The following CCDC150 variants were observed in gnomAD, a reference collection of about 807,000 sequenced individuals.
CCDC150 encodes the protein coiled-coil domain containing 150.
Under a neutral mutation model 156.5 loss-of-function variants are expected in CCDC150, and 151 were observed. The ratio of observed to expected loss-of-function variants is 0.97; its 90% CI spans 0.85 to 1.10. The LOEUF (loss-of-function observed/expected upper bound fraction) is 1.10, where lower values mean the gene tolerates loss of function less well. Ranked by LOEUF, CCDC150 falls within the 50% of genes least tolerant of loss-of-function variation. CCDC150 has a pLI of 0.00. For missense variants in CCDC150, 1,312 were observed against 1,268.1 expected, an observed-to-expected ratio of 1.03 and a Z score of -0.53; for synonymous variants, 452 against 429.4, an observed-to-expected ratio of 1.05 and a Z score of -0.65.
intron 22 of CCDC150, among the ~76,000 whole-genome samples, chr2:196,728,729 T>C (rs1433569943): frequency 6.6e-6 from 1 of 152,232 alleles, no homozygotes; most frequent in African/African-American, 2.4e-5. Context: ...GCTTATAGCA[T>C]GATAATCACA....
chr2:196,689,177 G>A (rs1363857194), intron 13 of CCDC150, among the ~76,000 whole-genome samples: 3 of 152,146 alleles, frequency 2.0e-5, no homozygotes, highest in Admixed American at 6.5e-5. Context: ...GTCAGGTAGT[G>A]TGATGCCTCC....
chr2:196,715,351 A>T (rs1697430647), intron 17 of CCDC150, among the ~76,000 whole-genome samples: 1 of 152,206 alleles, frequency 6.6e-6, no homozygotes, highest in African/African-American at 2.4e-5. Context: ...GTAAAAGTTC[A>T]GAAGAGTATA....
At chr2:196,653,599 C>T (rs1194116804) in intron 2 of CCDC150, among the ~76,000 whole-genome samples, 3 of 152,152 alleles carry the variant, frequency 2.0e-5, no homozygotes, top group Admixed American at 2.0e-4. Flanking sequence ...ATCAGTATGT[C>T]CTCTGTCTAT....
At chr2:196,639,895 C>T (rs1220526741) in intron 1 of CCDC150, 117 bp downstream of exon 1, 2 of 917,670 alleles carry the variant, frequency 2.2e-6, no homozygotes, top group Non-Finnish European at 1.5e-6. Flanking sequence ...GGAGTCCAGT[C>T]TCACTCCCTG....
intron 13 of CCDC150, among the ~76,000 whole-genome samples, chr2:196,683,130 T>A (rs1283037689): frequency 6.6e-6 from 1 of 152,104 alleles, no homozygotes; most frequent in Non-Finnish European, 1.5e-5. Flanking sequence ...TTTGTCACCA[T>A]TAAGTATGAT....
intron 13 of CCDC150, among the ~76,000 whole-genome samples, chr2:196,692,225 C>T (rs1695528178): frequency 6.7e-6 from 1 of 149,766 alleles, no homozygotes; most frequent in East Asian, 2.0e-4. Context: ...AGCTCCGCTT[C>T]CCGGGTTCAC....
At chr2:196,704,286 G>A (rs1262483252) in intron 15 of CCDC150, among the ~76,000 whole-genome samples, 1 of 152,090 alleles carries the variant, frequency 6.6e-6, no homozygotes, top group African/African-American at 2.4e-5. Context: ...TTTCAGTGCT[G>A]TACAGTATTC....
intron 4 of CCDC150, among the ~76,000 whole-genome samples, chr2:196,658,318 T>C (rs1204574323): frequency 6.6e-6 from 1 of 152,186 alleles, no homozygotes; most frequent in Non-Finnish European, 1.5e-5. Context: ...AAGGCAAAGA[T>C]GGCTCTGAGG....
chr2:196,667,002 G>A (rs1016469003), intron 7 of CCDC150, 154 bp downstream of exon 7: 1 of 721,104 alleles, frequency 1.4e-6, no homozygotes, highest in African/African-American at 1.8e-5. Flanking sequence ...TCTACCTGCA[G>A]TACTGAGATA....
intron 2 of CCDC150, among the ~76,000 whole-genome samples, chr2:196,653,668 C>T (rs775519887): frequency 2.0e-5 from 3 of 152,204 alleles, no homozygotes; most frequent in Admixed American, 1.3e-4. Context: ...CACTTTCCCT[C>T]GTTTTCCTGT....
intron 15 of CCDC150, among the ~76,000 whole-genome samples, chr2:196,709,483 C>T (rs1444510277): frequency 6.6e-6 from 1 of 152,036 alleles, no homozygotes; most frequent in Admixed American, 6.6e-5. Flanking sequence ...TTGTTATTAC[C>T]GACCTTCTGA....
intron 4 of CCDC150, 103 bp downstream of exon 4, chr2:196,657,239 G>A (rs1693262328): frequency 8.9e-7 from 1 of 1,124,570 alleles, no homozygotes; most frequent in African/African-American, 1.6e-5. Flanking sequence ...ATGTTGATAT[G>A]AGGATTCTTG....
At chr2:196,708,123 A>G (rs954300366) in intron 15 of CCDC150, among the ~76,000 whole-genome samples, 2 of 152,090 alleles carry the variant, frequency 1.3e-5, no homozygotes, top group African/African-American at 4.8e-5. Flanking sequence ...GTCTCCCACT[A>G]TTATTGTGTG....
At chr2:196,696,856 T>A (rs1030586276) in intron 14 of CCDC150, among the ~76,000 whole-genome samples, 1 of 152,220 alleles carries the variant, frequency 6.6e-6, no homozygotes, top group African/African-American at 2.4e-5. Context: ...ACCCATTGAT[T>A]TTTGGAGATA....
intron 10 of CCDC150, 55 bp from the exon 11 acceptor site, chr2:196,676,087 AC>A: frequency 6.4e-7 from 1 of 1,574,128 alleles, no homozygotes; most frequent in South Asian, 1.1e-5. Flanking sequence ...TCCAAATGAC[AC>A]CCTATCAAAA....
intron 17 of CCDC150, among the ~76,000 whole-genome samples, chr2:196,715,768 C>G (rs1349469400): frequency 6.6e-6 from 1 of 152,012 alleles, no homozygotes; most frequent in African/African-American, 2.4e-5. Flanking sequence ...TAGAAGAAAA[C>G]ATAGGAAGAA....
At chr2:196,720,466 A>G (rs1238914873) in intron 19 of CCDC150, 109 bp from the exon 20 acceptor site, 1 of 750,334 alleles carries the variant, frequency 1.3e-6, no homozygotes. Context: ...ATATATAAGT[A>G]TGATGCTATT....
chr2:196,642,499 A>C (rs1692287262), intron 1 of CCDC150, among the ~76,000 whole-genome samples: 4 of 152,206 alleles, frequency 2.6e-5, no homozygotes. Flanking sequence ...AACTTGGTAG[A>C]TTAATTTACT....
chr2:196,699,120 T>C (rs1162320856), intron 14 of CCDC150, among the ~76,000 whole-genome samples: 1 of 152,222 alleles, frequency 6.6e-6, no homozygotes, highest in Admixed American at 6.5e-5. Flanking sequence ...ATAATATATT[T>C]ATCATCATGA....
Sources: gnomAD v4.1 joint callset for allele counts (sites outside exome capture counted in the v4.1 genomes callset) on GRCh38, gnomAD v4.1.1 for gene constraint, MANE v1.5 for transcripts, NCBI Gene and HGNC (gene_info 2026-07-23, HGNC 2026-07-21) for gene names.